ZNF385D: variants seen among roughly 807,000 people sequenced by gnomAD.
The protein encoded by ZNF385D is zinc finger protein 385D.
Under a neutral mutation model 35.8 loss-of-function variants are expected in ZNF385D, and 15 were observed. The ratio of observed to expected loss-of-function variants is 0.42; its 90% CI spans 0.28 to 0.64. The LOEUF (loss-of-function observed/expected upper bound fraction) is 0.64. Among genes scored for constraint, ZNF385D ranks in the 30% least tolerant of loss-of-function variants. ZNF385D has a pLI of 0.23. For missense variants in ZNF385D, 474 were observed against 494.6 expected, an observed-to-expected ratio of 0.96 and a Z score of 0.39; for synonymous variants, 212 against 186.8, an observed-to-expected ratio of 1.13 and a Z score of -1.10.
intron 2 of ZNF385D, among the ~76,000 whole-genome samples, chr3:22,303,786 T>G (rs1001561280): frequency 5.9e-5 from 9 of 152,170 alleles, no homozygotes; most frequent in Admixed American, 1.3e-4. Context: ...TTTCTTTTTT[T>G]TCTTTTCTGA....
intron 3 of ZNF385D, among the ~76,000 whole-genome samples, chr3:21,896,037 A>T (rs1004417207): frequency 6.6e-6 from 1 of 152,300 alleles, no homozygotes; most frequent in African/African-American, 2.4e-5. Context: ...ACATTAAAGT[A>T]AAATTTTTGA....
rs547582285 is a variant in ZNF385D, at chr3:22,175,881, A to T, written c.107-6846T>A. Among the ~76,000 whole-genome samples, 781 of 149,404 alleles carry T rather than the reference A, an allele frequency of 5.2e-3. 8 individuals carry two copies. The highest frequency in any genetic ancestry group is 0.018 in the African/African-American group (734 of 41,022). The stretch of plus-strand genomic sequence containing the variant: ...ATTCAAGACTAATGTAGAAAAATTT[A>T]TTTTACTGTTATGGTAAAACATTAA... On this transcript the variant is annotated intron_variant, in intron 2 of 5. Coordinates refer to the ZNF385D transcript ENST00000494108.
intron 3 of ZNF385D, among the ~76,000 whole-genome samples, chr3:21,901,483 G>A (rs1340832509): frequency 6.6e-6 from 1 of 152,192 alleles, no homozygotes. Flanking sequence ...TAGTGTGGGA[G>A]TAGGATAGTT....
intron 3 of ZNF385D, among the ~76,000 whole-genome samples, chr3:21,811,920 A>G (rs2072937219): frequency 6.6e-6 from 1 of 151,580 alleles, no homozygotes. Flanking sequence ...CAATCTTAAC[A>G]ACACACAAAT....
intron 3 of ZNF385D, among the ~76,000 whole-genome samples, chr3:21,862,723 C>T (rs865980370): frequency 6.6e-6 from 1 of 152,180 alleles, no homozygotes; most frequent in African/African-American, 2.4e-5. Context: ...CTAGCTGTGC[C>T]TCCCCAAGGG....
At chr3:21,989,650 G>A (rs1018173663) in intron 3 of ZNF385D, among the ~76,000 whole-genome samples, 2 of 150,910 alleles carry the variant, frequency 1.3e-5, no homozygotes, top group African/African-American at 4.9e-5. Flanking sequence ...ATGTTCTTAT[G>A]ACATCATGTT....
At chr3:22,367,581 C>A (rs1167433757) in intron 2 of ZNF385D, among the ~76,000 whole-genome samples, 2 of 130,686 alleles carry the variant, frequency 1.5e-5, no homozygotes, top group East Asian at 4.6e-4. Flanking sequence ...TAACTAAATA[C>A]AATTTTAAAA....
chr3:21,565,150 T>C (rs1270513666), intron 2 of ZNF385D, among the ~76,000 whole-genome samples: 2 of 152,100 alleles, frequency 1.3e-5, no homozygotes, highest in Non-Finnish European at 2.9e-5. Context: ...TGGTATCTTT[T>C]AGACTCTATA....
At chr3:21,859,636 C>T (rs1483697554) in intron 3 of ZNF385D, among the ~76,000 whole-genome samples, 2 of 149,884 alleles carry the variant, frequency 1.3e-5, no homozygotes, top group Non-Finnish European at 3.0e-5. Context: ...GAGCCTGCTG[C>T]TGAAACAACA....
At chr3:22,059,551 G>T (rs1699585966) in intron 3 of ZNF385D, among the ~76,000 whole-genome samples, 1 of 152,274 alleles carries the variant, frequency 6.6e-6, no homozygotes, top group East Asian at 1.9e-4. Context: ...GATAGGGTTG[G>T]TGGTGGTGGT....
intron 2 of ZNF385D, among the ~76,000 whole-genome samples, chr3:22,239,646 A>G (rs1699379077): frequency 6.6e-6 from 1 of 151,100 alleles, no homozygotes; most frequent in African/African-American, 2.5e-5. Context: ...ATCTTATGTT[A>G]TATTTATTTT....
chr3:22,005,056 CAAAAAAAAA>C (rs71044965), intron 3 of ZNF385D, among the ~76,000 whole-genome samples: 2 of 57,370 alleles, frequency 3.5e-5, no homozygotes, highest in African/African-American at 1.2e-4. Flanking sequence ...CACTCAGCAG[CAAAAAAAAA>C]AAAAAAAAAA....
intron 3 of ZNF385D, among the ~76,000 whole-genome samples, chr3:21,887,892 A>G (rs1010351429): frequency 2.6e-5 from 4 of 152,156 alleles, no homozygotes; most frequent in African/African-American, 4.8e-5. Context: ...TTGTTTCTGA[A>G]TTGTAACAGA....
intron 1 of ZNF385D, among the ~76,000 whole-genome samples, chr3:21,692,974 A>G (rs2067332813): frequency 6.6e-6 from 1 of 152,104 alleles, no homozygotes; most frequent in African/African-American, 2.4e-5. Flanking sequence ...AAAGTAGAAA[A>G]TTTATTTATT....
At chr3:22,340,896 T>C (rs768024325) in intron 2 of ZNF385D, among the ~76,000 whole-genome samples, 1 of 152,226 alleles carries the variant, frequency 6.6e-6, no homozygotes, top group Non-Finnish European at 1.5e-5. Context: ...AAGGGAATTC[T>C]TTGCTGTGCT....
At chr3:21,754,233 T>C (rs1474861005), upstream of ZNF385D, among the ~76,000 whole-genome samples, 1 of 152,166 alleles carries the variant, frequency 6.6e-6, no homozygotes, top group African/African-American at 2.4e-5. Context: ...AGATAGAGGA[T>C]TGTGAACATG....
At chr3:21,937,553 A>G (rs1190554487) in intron 3 of ZNF385D, among the ~76,000 whole-genome samples, 3 of 152,178 alleles carry the variant, frequency 2.0e-5, no homozygotes, top group African/African-American at 7.2e-5. Context: ...CCTTGACTAT[A>G]CTGAACTTCT....
intron 3 of ZNF385D, among the ~76,000 whole-genome samples, chr3:21,526,251 G>A (rs958538094): frequency 6.6e-6 from 1 of 151,968 alleles, no homozygotes; most frequent in Admixed American, 6.6e-5. Flanking sequence ...GTTCCTTAAA[G>A]TTGTTTATCT....
intron 2 of ZNF385D, among the ~76,000 whole-genome samples, chr3:22,250,899 A>T (rs1700027826): frequency 6.6e-6 from 1 of 152,066 alleles, no homozygotes; most frequent in Admixed American, 6.6e-5. Context: ...CCCTTCAAGA[A>T]CTTTATTAAT....
Sources: allele counts gnomAD v4.1 joint callset (sites outside exome capture counted in the v4.1 genomes callset), GRCh38; gene constraint gnomAD v4.1.1; transcripts MANE v1.5; gene names NCBI Gene and HGNC (gene_info 2026-07-23, HGNC 2026-07-21).